The following MYBPC1 variants were observed in gnomAD, a reference collection of about 807,000 sequenced individuals.
The protein encoded by MYBPC1 is myosin binding protein C1, also known as myosin-binding protein C, slow-type.
In MYBPC1, 52 loss-of-function variants were observed where a neutral mutation model predicts 147.1. The ratio of observed to expected loss-of-function variants is 0.35; its 90% CI spans 0.28 to 0.45. MYBPC1 has a LOEUF of 0.45. Ranked by LOEUF, MYBPC1 falls within the 20% of genes least tolerant of loss-of-function variation. MYBPC1 has a pLI of 1.00. For synonymous variants in MYBPC1, 477 were observed against 475.9 expected, an observed-to-expected ratio of 1.00 and a Z score of -0.03; for missense variants, 1,228 against 1,440.3, an observed-to-expected ratio of 0.85 and a Z score of 2.39.
intron 1 of MYBPC1, among the ~76,000 whole-genome samples, chr12:101,614,107 C>T (rs747790855): frequency 6.6e-6 from 1 of 152,070 alleles, no homozygotes; most frequent in African/African-American, 2.4e-5. Flanking sequence ...ATATAAGATG[C>T]GGCCATTTCT....
At chr12:101,672,364 C>A (rs561422299) in intron 24 of MYBPC1, among the ~76,000 whole-genome samples, 1 of 152,094 alleles carries the variant, frequency 6.6e-6, no homozygotes, top group Admixed American at 6.6e-5. Flanking sequence ...TGCCAGGGTA[C>A]GCCTGGATGC....
chr12:101,645,162 T>G (rs936447716), intron 12 of MYBPC1, among the ~76,000 whole-genome samples: 1 of 144,710 alleles, frequency 6.9e-6, no homozygotes. Context: ...TCCCATCTTA[T>G]AATTAGATGA....
chr12:101,632,343 G>A (rs952496937), intron 8 of MYBPC1, among the ~76,000 whole-genome samples: 1 of 152,114 alleles, frequency 6.6e-6, no homozygotes, highest in Non-Finnish European at 1.5e-5. Context: ...GGATTTTATC[G>A]CTAAATATCT....
At chr12:101,601,502 C>A (rs1879943191) in intron 1 of MYBPC1, among the ~76,000 whole-genome samples, 1 of 152,124 alleles carries the variant, frequency 6.6e-6, no homozygotes, top group Admixed American at 6.5e-5. Context: ...AGGCGGAGAC[C>A]AGAATCATTC....
At chr12:101,652,060 G>A (rs936335371) in intron 16 of MYBPC1, among the ~76,000 whole-genome samples, 7 of 152,168 alleles carry the variant, frequency 4.6e-5, no homozygotes, top group African/African-American at 1.2e-4. Context: ...CTTTATTTGC[G>A]TAGGGGACAT....
chr12:101,615,309 C>T (rs1023903456), intron 2 of MYBPC1, among the ~76,000 whole-genome samples: 2 of 152,130 alleles, frequency 1.3e-5, no homozygotes, highest in African/African-American at 4.8e-5. Context: ...ATGGAAGCAA[C>T]CAAAATCATG....
At chr12:101,626,088 CA>C (rs769008600) in intron 3 of MYBPC1, among the ~76,000 whole-genome samples, 743 of 55,076 alleles carry the variant, frequency 0.013, 3 homozygotes, top group Non-Finnish European at 0.016. Flanking sequence ...AACTCTGTCT[CA>C]AAAAAAAAAA....
chr12:101,647,074 C>T lies in MYBPC1; in HGVS notation c.1090+187C>T, dbSNP rs374855791. On this transcript the variant is annotated intron_variant, in intron 13 of 31. Coordinates refer to ENST00000361466, the MANE Select transcript of MYBPC1 (RefSeq NM_002465.4). ...AAGAGAACCTGTTGAGTACAAATGC[C>T]TCATGTTTTGACTCAAGCCAAGCAC... 1.1e-4 allele frequency: 75 copies of T among 694,180 alleles called. No individual in the cohort carries two copies. The African/African-American group carries it at 1.3e-3, about 12-fold the overall frequency. The allele number at this position is 694,180 out of a possible 1,614,324, so 43.0% of individuals were successfully genotyped here. A position where few individuals can be genotyped will look rare whatever the true frequency, so the allele number is the denominator to read the frequency against.
chr12:101,627,993 C>T lies in MYBPC1; in HGVS notation c.178+189C>T, dbSNP rs1001328222. On this transcript the variant is annotated intron_variant, in intron 5 of 31. Coordinates refer to ENST00000361466, the MANE Select transcript of MYBPC1 (RefSeq NM_002465.4). ...GAAACAATTAATTTTGCATGATACACACGCATTCAAGGATCTAGCCAAAAA... is the reference window on the plus strand; with the variant it reads ...GAAACAATTAATTTTGCATGATACATACGCATTCAAGGATCTAGCCAAAAA... 4 of 655,448 alleles carry T rather than the reference C, an allele frequency of 6.1e-6. No homozygotes were observed. In the African/African-American group the frequency reaches 7.2e-5, roughly 12 times the overall value. The allele number at this position is 655,448 out of a possible 1,614,324, so 40.6% of individuals were successfully genotyped here.
intron 23 of MYBPC1, among the ~76,000 whole-genome samples, 188 bp downstream of exon 23, chr12:101,668,087 C>A (rs1022494846): frequency 6.6e-6 from 1 of 152,020 alleles, no homozygotes; most frequent in African/African-American, 2.4e-5. Flanking sequence ...GGGAGATCAC[C>A]TTCAGGTTTA....
Position 101,677,272 on chromosome 12 carries a change from G to T in MYBPC1, c.2987G>T (p.Ser996Ile). The change falls in exon 27 of 32, where the codon AGT becomes ATT. Residue 996 changes from serine (S) to isoleucine (I), a missense_variant. Physicochemically the swap from Ser to Ile is moderately radical, Grantham distance 142 (BLOSUM62 -2). Coordinates refer to ENST00000361466, the MANE Select transcript of MYBPC1 (RefSeq NM_002465.4). Reference protein sequence around the residue: ...FTVIEHYHRTSATITELVIGN... With the variant: ...FTVIEHYHRTIATITELVIGN... ...GTCATTGAGCATTATCATCGAACCA[G>T]TGCCACCATTACTGAATTGGTCATA... The T allele has an allele frequency of 1.2e-6, 2 of 1,613,616 alleles. No homozygotes were observed.
chr12:101,676,674 C>G (rs1900062569), intron 26 of MYBPC1, among the ~76,000 whole-genome samples: 1 of 151,952 alleles, frequency 6.6e-6, no homozygotes, highest in Non-Finnish European at 1.5e-5. Flanking sequence ...TCTATTGAGC[C>G]CGGGAGGTCA....
chr12:101,669,951 A>AAAAAAATAT, intron 23 of MYBPC1: 4 of 343,372 alleles, frequency 1.2e-5, no homozygotes, highest in Non-Finnish European at 1.7e-5. Context: ...AAAAAAAAAA[A>AAAAAAATAT]GAAACTATGA....
intron 7 of MYBPC1, 39 bp from the exon 8 acceptor site, chr12:101,631,982 T>C (rs1261172179): frequency 6.6e-7 from 1 of 1,522,230 alleles, no homozygotes; most frequent in Admixed American, 1.7e-5. Flanking sequence ...ATTTGGAAAA[T>C]AAACTGAAAT....
At chr12:101,601,702 T>C (rs1259430509) in intron 1 of MYBPC1, among the ~76,000 whole-genome samples, 1 of 152,196 alleles carries the variant, frequency 6.6e-6, no homozygotes. Context: ...ATATGTCAAA[T>C]GTTAGATCTT....
rs368038829 is a variant in MYBPC1, at chr12:101,617,243, G to T, written c.103G>T (p.Asp35Tyr). Residue 35 changes from aspartate (D) to tyrosine (Y), a missense_variant and splice_region_variant, in exon 3 of 32, where the codon GAT becomes TAT. Coordinates refer to ENST00000361466, the MANE Select transcript of MYBPC1 (RefSeq NM_002465.4). ...EKEAGTTPAK[D>Y]EEEVSPPSAL... ...GGAGGCCGGAACTACACCAGCAAAA[G>T]GTGAGTTGGAGGGAGGGAGAGTGAG... is the stretch of plus-strand genomic sequence containing the variant. 6.2e-7 allele frequency: 1 copy of T among 1,613,686 alleles called. No homozygotes were observed. Among genetic ancestry groups the T allele is most frequent in the African/African-American group, 1.3e-5 (1 of 74,920 alleles).
chr12:101,636,569 G>A, intron 9 of MYBPC1, 103 bp from the exon 10 acceptor site: 1 of 917,694 alleles, frequency 1.1e-6, no homozygotes, highest in African/African-American at 1.6e-5. Flanking sequence ...TAGTCCTTGT[G>A]TGGCACAAAA....
intron 24 of MYBPC1, among the ~76,000 whole-genome samples, chr12:101,671,401 G>C (rs1463937449): frequency 6.6e-6 from 1 of 151,656 alleles, no homozygotes; most frequent in African/African-American, 2.4e-5. Context: ...TCAAACCCAG[G>C]CTCCCATGAA....
chr12:101,652,643 G>GGAGTCTTAGAAATACATTTTCC, intron 16 of MYBPC1, 35 bp from the exon 17 acceptor site: 2 of 1,456,750 alleles, frequency 1.4e-6, no homozygotes, highest in Non-Finnish European at 1.9e-6. Flanking sequence ...CTAGATCTTT[G>GGAGTCTTAGAAATACATTTTCC]GAGTCTTAGA....
Sources: gnomAD v4.1 joint callset for allele counts (sites outside exome capture counted in the v4.1 genomes callset) on GRCh38, gnomAD v4.1.1 for gene constraint, MANE v1.5 for transcripts, NCBI Gene and HGNC (gene_info 2026-07-23, HGNC 2026-07-21) for gene names.